The following PER2 variants were observed in gnomAD, a reference collection of about 807,000 sequenced individuals.
PER2 encodes the protein period circadian regulator 2, also known as period circadian protein homolog 2.
In PER2, 66 loss-of-function variants were observed where a neutral mutation model predicts 121.0. The observed-to-expected ratio is 0.55, with a 90% CI of 0.45 to 0.67. The LOEUF (loss-of-function observed/expected upper bound fraction) is 0.67. PER2 is among the 30% of genes least tolerant of loss of function. PER2 has a pLI of 0.00. For missense variants in PER2, 1,521 were observed against 1,635.0 expected, an observed-to-expected ratio of 0.93 and a Z score of 1.20; for synonymous variants, 684 against 659.9, an observed-to-expected ratio of 1.04 and a Z score of -0.56.
intron 17 of PER2, 48 bp from the exon 18 acceptor site, chr2:238,255,959 T>C: frequency 6.2e-7 from 1 of 1,608,324 alleles, no homozygotes; most frequent in Non-Finnish European, 8.5e-7. Context: ...CCCTGTTTAT[T>C]ATTTTAAGGC....
intron 11 of PER2, 42 bp downstream of exon 11, chr2:238,262,145 CCCCG>C: frequency 6.3e-7 from 1 of 1,589,714 alleles, no homozygotes; most frequent in Non-Finnish European, 8.6e-7. Flanking sequence ...AGCCCGAGAC[CCCCG>C]CCCAAGACCC....
At chr2:238,261,969 C>G in intron 11 of PER2, 132 bp from the exon 12 acceptor site, 1 of 736,492 alleles carries the variant, frequency 1.4e-6, no homozygotes, top group South Asian at 1.7e-5. Context: ...CAGGCTGCTG[C>G]CTGTCCACTC....
intron 19 of PER2, 50 bp from the exon 20 acceptor site, chr2:238,251,811 C>T (rs907944520): frequency 2.7e-6 from 2 of 733,408 alleles, no homozygotes; most frequent in African/African-American, 2.1e-5. Context: ...AGTCAGGACA[C>T]AGCATATGCA....
intron 1 of PER2, among the ~76,000 whole-genome samples, chr2:238,284,578 A>C (rs6754875): frequency 0.43 from 65,827 of 152,046 alleles, 17,093 homozygotes; most frequent in African/African-American, 0.74. Flanking sequence ...CTAAGAACTC[A>C]GTGCCACCTC....
upstream of PER2, among the ~76,000 whole-genome samples, chr2:238,291,835 C>A (rs1030386185): frequency 1.3e-5 from 2 of 152,188 alleles, no homozygotes; most frequent in African/African-American, 4.8e-5. Flanking sequence ...GGACAACTTG[C>A]CTCTAGTGAC....
chr2:238,255,494 G>T, intron 18 of PER2, 163 bp downstream of exon 18: 3 of 774,588 alleles, frequency 3.9e-6, no homozygotes, highest in Middle Eastern at 3.4e-4. Context: ...CCGGTGGGAA[G>T]TTCTACAGAA....
intron 12 of PER2, 116 bp from the exon 13 acceptor site, chr2:238,261,069 T>C (rs1216124250): frequency 2.1e-5 from 27 of 1,265,268 alleles, no homozygotes; most frequent in Non-Finnish European, 2.9e-5. Context: ...TAAGGCTACA[T>C]GGCAGAGACC....
At chr2:238,296,126 G>C in the PER2 span, among the ~76,000 whole-genome samples, 4 of 8 alleles carry the variant, frequency 0.5, no homozygotes, top group Non-Finnish European at 0.5. Context: ...TGCAGAGTCA[G>C]TCGTGTGCCC....
chr2:238,272,995 C>T (rs756154383), intron 5 of PER2, 75 bp downstream of exon 5: 43 of 1,424,680 alleles, frequency 3.0e-5, no homozygotes, highest in Non-Finnish European at 3.7e-5. Flanking sequence ...AGCCACCGGC[C>T]GCAGTGCTGA....
intron 1 of PER2, among the ~76,000 whole-genome samples, chr2:238,286,713 C>A (rs139122469): frequency 6.6e-6 from 1 of 152,174 alleles, no homozygotes; most frequent in Non-Finnish European, 1.5e-5. Context: ...TCTGACTAAA[C>A]GCCAAGTGGC....
chr2:238,253,708 G>A lies in PER2; in HGVS notation c.2321-6C>T. 6.3e-7 allele frequency: 1 copy of A among 1,593,158 alleles called. No homozygotes were observed. The highest frequency in any genetic ancestry group is 8.6e-7 in the Non-Finnish European group (1 of 1,167,048). On this transcript the variant is annotated splice_region_variant and splice_polypyrimidine_tract_variant and intron_variant, in intron 18 of 22. Coordinates refer to ENST00000254657, the MANE Select transcript of PER2 (RefSeq NM_022817.3). The surrounding 1 kb of genome is among the most constrained non-coding windows in gnomAD (Gnocchi z 5.6). Reference sequence around the variant, plus strand: ...ATTTCTTAGTCCAGGGGCAGCTAATGCAGAAAAACAAATACTCGGAGTTAA... The same window carrying A: ...ATTTCTTAGTCCAGGGGCAGCTAATACAGAAAAACAAATACTCGGAGTTAA...
chr2:238,286,476 A>G (rs58281597), intron 1 of PER2, among the ~76,000 whole-genome samples: 16,688 of 151,642 alleles, frequency 0.11, 1,214 homozygotes, highest in Admixed American at 0.17. Context: ...GATGAGCATA[A>G]TGAGTTGAAA....
intron 21 of PER2, among the ~76,000 whole-genome samples, 189 bp from the exon 22 acceptor site, chr2:238,249,401 T>C (rs576208514): frequency 2.0e-5 from 3 of 152,364 alleles, no homozygotes; most frequent in Admixed American, 1.3e-4. Context: ...AAAATGATGA[T>C]TCTGGTCAAG....
intron 10 of PER2, 102 bp from the exon 11 acceptor site, chr2:238,262,446 A>G: frequency 1.7e-6 from 2 of 1,144,074 alleles, no homozygotes; most frequent in Non-Finnish European, 1.3e-6. Context: ...ATCATTTGCA[A>G]ACTGTAGGGG....
chr2:238,254,331 C>T (rs1695697160), intron 18 of PER2: 1 of 154,742 alleles, frequency 6.5e-6, no homozygotes, highest in Non-Finnish European at 1.4e-5. Context: ...CCATGGCCTC[C>T]CTGGGGAGTG....
chr2:238,277,051 A>C (rs975388181), intron 3 of PER2, 80 bp downstream of exon 3: 1 of 1,073,010 alleles, frequency 9.3e-7, no homozygotes, highest in East Asian at 2.4e-5. Context: ...AAGCCACGTC[A>C]CTCCCAGAAA....
At position 238,268,130 on chromosome 2, in the gene PER2, A is replaced by C; in HGVS notation, c.893T>G (p.Val298Gly). 3 of 1,614,044 alleles carry C rather than the reference A, an allele frequency of 1.9e-6. No individual in the cohort carries two copies. In the East Asian group the frequency reaches 6.7e-5, roughly 36 times the overall value. ...PFRMTPYLVK[V>G]RDQQGAESQL... Reference sequence around the variant, plus strand: ...ACTCTCAGCACCTTGTTGGTCCCGCACCTTGACCAGGTAGGGCGTCATGCG... The same window carrying C: ...ACTCTCAGCACCTTGTTGGTCCCGCCCCTTGACCAGGTAGGGCGTCATGCG... Residue 298 changes from valine to glycine, a missense_variant, in exon 8 of 23, where the codon GTG becomes GGG. By Grantham distance (109) the Val-to-Gly change is moderately radical. Coordinates refer to ENST00000254657, the MANE Select transcript of PER2 (RefSeq NM_022817.3). The surrounding 1 kb of genome is among the most constrained non-coding windows in gnomAD (Gnocchi z 4.0).
At chr2:238,280,780 T>C (rs76282566) in intron 1 of PER2, among the ~76,000 whole-genome samples, 3,396 of 151,950 alleles carry the variant, frequency 0.022, 105 homozygotes, top group East Asian at 0.12. Flanking sequence ...GCGAGACACA[T>C]AAAGAGAACC....
chr2:238,262,418 G>T, intron 10 of PER2, 74 bp from the exon 11 acceptor site: 1 of 1,453,404 alleles, frequency 6.9e-7, no homozygotes, highest in Non-Finnish European at 9.7e-7. Flanking sequence ...GACAAGTCAA[G>T]AGTCACTCAG....
Sources: gnomAD v4.1 joint callset for allele counts (sites outside exome capture counted in the v4.1 genomes callset) on GRCh38, gnomAD v4.1.1 for gene constraint, Gnocchi (gnomAD v3.1) non-coding constraint, MANE v1.5 for transcripts, NCBI Gene and HGNC (gene_info 2026-07-23, HGNC 2026-07-21) for gene names.